Variants in FUBP1 observed in about 807,000 individuals in gnomAD.
FUBP1 encodes far upstream element-binding protein 1.
A neutral mutation model predicts 94.9 loss-of-function variants in FUBP1; 16 were observed. The observed-to-expected ratio is 0.17, with a 90% CI of 0.11 to 0.26. The LOEUF is 0.26. Among genes scored for constraint, FUBP1 ranks in the 10% least tolerant of loss-of-function variants. FUBP1 has a pLI of 1.00. For missense variants in FUBP1, 583 were observed against 808.6 expected, an observed-to-expected ratio of 0.72 and a Z score of 3.38; for synonymous variants, 279 against 254.9, an observed-to-expected ratio of 1.09 and a Z score of -0.90.
intron 14 of FUBP1, 142 bp from the exon 15 acceptor site, chr1:77,960,637 T>C (rs1212105397): frequency 6.6e-6 from 4 of 601,854 alleles, no homozygotes; most frequent in Non-Finnish European, 1.1e-5. Context: ...CTCATTCATT[T>C]TGCAAAAACT....
chr1:77,964,048 A>T lies in FUBP1; in HGVS notation c.1041+14T>A, dbSNP rs2102389968. Reference sequence around the variant, plus strand: ...ATAAAAACAAAAAATGAAAATGTTAACTTTCTATCAAACCTGAACACTTCG... The same window carrying T: ...ATAAAAACAAAAAATGAAAATGTTATCTTTCTATCAAACCTGAACACTTCG... On this transcript the variant is annotated intron_variant, in intron 12 of 19. Transcript: ENST00000370768. 7.0e-7 allele frequency: 1 copy of T among 1,437,720 alleles called. No homozygotes were observed. The highest frequency in any genetic ancestry group is 9.8e-7 in the Non-Finnish European group (1 of 1,019,982). 89.1% of individuals were successfully genotyped at this position (1,437,720 alleles called of 1,614,324 possible). A position where few individuals can be genotyped will look rare whatever the true frequency, so the allele number is the denominator to read the frequency against.
chr1:77,966,120 GC>G, intron 7 of FUBP1, among the ~76,000 whole-genome samples: 1 of 152,350 alleles, frequency 6.6e-6, no homozygotes, highest in Admixed American at 6.5e-5. Context: ...CTGGCTTTAG[GC>G]ACTCGAACAC....
intron 7 of FUBP1, 102 bp from the exon 8 acceptor site, chr1:77,965,333 T>C (rs889154047): frequency 7.6e-6 from 5 of 654,150 alleles, no homozygotes; most frequent in African/African-American, 1.8e-5. Context: ...CCTATCCCAG[T>C]TCAGGATTAG....
chr1:77,963,532 A>G, intron 13 of FUBP1, 42 bp downstream of exon 13: 1 of 1,197,956 alleles, frequency 8.3e-7, no homozygotes, highest in Non-Finnish European at 1.2e-6. Context: ...GTCCAGAAAA[A>G]TGAATAATGT....
In FUBP1 at chr1:77,979,041, A is replaced by G. The variant is rs778501090; in HGVS notation, c.-37T>C. ...AAGAGCCGCTGCCGCCTGTTCAGAG[A>G]CTTCCTCTCAGCTAACAGCTAAGAA... On this transcript the variant is annotated 5_prime_UTR_variant, in exon 1 of 20. Coordinates refer to ENST00000370768, the MANE Select transcript of FUBP1 (RefSeq NM_003902.5). The G allele has an allele frequency of 4.5e-6, 7 of 1,569,858 alleles. No homozygotes were observed. In the African/African-American group the frequency reaches 8.2e-5, roughly 18 times the overall value.
Position 77,979,072 on chromosome 1 carries a change from G to A in FUBP1, c.-68C>T, listed in dbSNP as rs1024967489. 10 of 1,441,238 alleles carry A rather than the reference G, an allele frequency of 6.9e-6. No homozygotes were observed. The highest frequency in any genetic ancestry group is 1.9e-4 in the Middle Eastern group (1 of 5,180). The allele number at this position is 1,441,238 out of a possible 1,614,324, so 89.3% of individuals were successfully genotyped here. A position where few individuals can be genotyped will look rare whatever the true frequency, so the allele number is the denominator to read the frequency against. On this transcript the variant is annotated 5_prime_UTR_variant, in exon 1 of 20. Transcript: ENST00000370768. ...TCTCAGCTAACAGCTAAGAAAGAAA[G>A]AAAATGGCGGCCGTCGAAGCTCTAT...
In FUBP1 at chr1:77,967,670, T is replaced by C; in HGVS notation, c.251-4A>G. 1.3e-6 allele frequency: 2 copies of C among 1,544,356 alleles called. No homozygotes were observed. Among genetic ancestry groups the C allele is most frequent in the Non-Finnish European group, 1.8e-6 (2 of 1,125,620 alleles). On this transcript the variant is annotated splice_region_variant and splice_polypyrimidine_tract_variant and intron_variant, in intron 3 of 19. Coordinates refer to ENST00000370768, the MANE Select transcript of FUBP1 (RefSeq NM_003902.5). ...GGTGGTAACTGTGTTCCAAAAGCTA[T>C]CAAAAAATTAAATAAAAATAAAACA...
intron 2 of FUBP1, 60 bp downstream of exon 2, chr1:77,969,862 ACCG>A: frequency 1.4e-6 from 1 of 711,374 alleles, no homozygotes; most frequent in East Asian, 2.7e-5. Flanking sequence ...ACAGAAAAAT[ACCG>A]AGAATCACTT....
intron 14 of FUBP1, among the ~76,000 whole-genome samples, chr1:77,961,381 C>T (rs372068971): frequency 6.6e-6 from 1 of 152,176 alleles, no homozygotes; most frequent in South Asian, 2.1e-4. Context: ...TTTAAATCTC[C>T]AATTGCTGTC....
At chr1:77,961,218 T>G (rs1416213146) in intron 14 of FUBP1, among the ~76,000 whole-genome samples, 7 of 152,216 alleles carry the variant, frequency 4.6e-5, no homozygotes, top group Non-Finnish European at 1.0e-4. Context: ...GACATTACAC[T>G]TAACTGTCCT....
chr1:77,949,913 G>A (rs1653059589), intron 18 of FUBP1, among the ~76,000 whole-genome samples: 1 of 152,130 alleles, frequency 6.6e-6, no homozygotes, highest in South Asian at 2.1e-4. Flanking sequence ...ACAACACAAT[G>A]TTATTAAAAG....
intron 12 of FUBP1, 86 bp downstream of exon 12, chr1:77,963,974 ACT>A (rs1184004897): frequency 1.7e-5 from 14 of 835,372 alleles, no homozygotes; most frequent in African/African-American, 1.3e-4. Flanking sequence ...CATCAAGCAG[ACT>A]CTGATATAGA....
At chr1:77,966,015 C>CA (rs1056802827) in intron 7 of FUBP1, among the ~76,000 whole-genome samples, 14 of 151,586 alleles carry the variant, frequency 9.2e-5, no homozygotes, top group African/African-American at 2.2e-4. Flanking sequence ...GACTTCGTCT[C>CA]AAAAAAAAGA....
chr1:77,966,469 A>T (rs1656519181), intron 7 of FUBP1, among the ~76,000 whole-genome samples: 1 of 152,202 alleles, frequency 6.6e-6, no homozygotes, highest in Non-Finnish European at 1.5e-5. Flanking sequence ...TAGAGACTGG[A>T]GTAGATATGG....
At chr1:77,956,494 G>T in intron 17 of FUBP1, 78 bp downstream of exon 17, 1 of 773,956 alleles carries the variant, frequency 1.3e-6, no homozygotes. Flanking sequence ...GAAATTTTAG[G>T]TATTATACAG....
intron 1 of FUBP1, among the ~76,000 whole-genome samples, chr1:77,974,524 T>C (rs1381421729): frequency 1.3e-5 from 2 of 152,140 alleles, no homozygotes; most frequent in Non-Finnish European, 2.9e-5. Flanking sequence ...CTGACTTAGC[T>C]TCTCAAAACA....
chr1:77,949,591 A>G (rs933580264), intron 18 of FUBP1, among the ~76,000 whole-genome samples: 3 of 152,064 alleles, frequency 2.0e-5, no homozygotes, highest in African/African-American at 7.2e-5. Context: ...AAAAAAAAAG[A>G]ACGCTCTTTT....
chr1:77,974,518 C>G (rs986569740), intron 1 of FUBP1, among the ~76,000 whole-genome samples: 1 of 152,116 alleles, frequency 6.6e-6, no homozygotes, highest in Non-Finnish European at 1.5e-5. Context: ...ATCTTCCTGA[C>G]TTAGCTTCTC....
In FUBP1 at chr1:77,966,877, A is replaced by ACATTAC. The variant is rs1174677702; in HGVS notation, c.415+1_415+6dup. ...ACACTGAAAATACCATGAGAATGTA[A>ACATTAC]CATTACCAGGAGCTATCTGTATTTT... On this transcript the variant is annotated splice_region_variant and intron_variant, in intron 6 of 19. Coordinates refer to ENST00000370768, the MANE Select transcript of FUBP1 (RefSeq NM_003902.5). 1 of 1,551,914 alleles carries ACATTAC rather than the reference A, an allele frequency of 6.4e-7. No homozygotes were observed. Among genetic ancestry groups the ACATTAC allele is most frequent in the Non-Finnish European group, 8.9e-7 (1 of 1,124,072 alleles).
Sources: allele counts gnomAD v4.1 joint callset (sites outside exome capture counted in the v4.1 genomes callset), GRCh38; gene constraint gnomAD v4.1.1; transcripts MANE v1.5; gene names NCBI Gene and HGNC (gene_info 2026-07-23, HGNC 2026-07-21).